The following AP1AR variants were observed in gnomAD, a reference collection of about 807,000 sequenced individuals.
The protein encoded by AP1AR is AP-1 complex-associated regulatory protein.
Under a neutral mutation model 46.3 loss-of-function variants are expected in AP1AR, and 29 were observed. That is an observed-to-expected ratio of 0.63 (90% CI 0.47 to 0.85). The LOEUF is 0.85. AP1AR is among the 40% of genes least tolerant of loss of function. The probability of loss-of-function intolerance (pLI) is 0.00; values close to 1 mark genes in which losing one functional copy is unlikely to be tolerated. For synonymous variants in AP1AR, 122 were observed against 122.9 expected (o/e 0.99, Z 0.05); for missense variants, 357 against 356.3 (o/e 1.00, Z -0.02).
chr4:112,238,324 C>A (rs1187151966), intron 1 of AP1AR, among the ~76,000 whole-genome samples: 1 of 152,160 alleles, frequency 6.6e-6, no homozygotes, highest in Non-Finnish European at 1.5e-5. Context: ...AAAGATAATT[C>A]CCTAACTTTG....
chr4:112,253,280 A>T, intron 2 of AP1AR, 24 bp downstream of exon 2: 1 of 1,592,228 alleles, frequency 6.3e-7, no homozygotes. Context: ...AATTTGATTG[A>T]ATTAAAAATG....
intron 4 of AP1AR, among the ~76,000 whole-genome samples, chr4:112,258,474 T>C (rs1292971482): frequency 1.3e-5 from 2 of 152,200 alleles, no homozygotes; most frequent in East Asian, 3.8e-4. Context: ...CTAATTTCAA[T>C]ATGAGGTAGG....
Position 112,266,603 on chromosome 4 carries a change from C to T in AP1AR, c.530C>T (p.Ala177Val). Residue 177 changes from alanine (A) to valine (V), a missense_variant, in exon 9 of 10, where the codon GCT becomes GTT. By Grantham distance (64) the Ala-to-Val change is moderately conservative (BLOSUM62 0). Coordinates refer to ENST00000274000, the MANE Select transcript of AP1AR (RefSeq NM_018569.6). ...TATATTCTAGGACTCTCATCAGATGCTACAGTTTTGACACCAAATACAGAA... is the reference window on the plus strand; with the variant it reads ...TATATTCTAGGACTCTCATCAGATGTTACAGTTTTGACACCAAATACAGAA... ...VFRSSRLSSDATVLTPNTESS... is the reference protein window; with the variant it reads ...VFRSSRLSSDVTVLTPNTESS... 2.5e-6 allele frequency: 4 copies of T among 1,610,086 alleles called. No homozygotes were observed. The highest frequency in any genetic ancestry group is 2.5e-6 in the Non-Finnish European group (3 of 1,177,472).
chr4:112,265,220 CTG>C, intron 7 of AP1AR, 153 bp downstream of exon 7: 1 of 571,904 alleles, frequency 1.7e-6, no homozygotes, highest in Non-Finnish European at 3.0e-6. Context: ...TGGAAGAAAA[CTG>C]AGAACATTTA....
At chr4:112,240,856 AGCTATGCCTG>A (rs1317354075) in intron 1 of AP1AR, among the ~76,000 whole-genome samples, 1 of 152,228 alleles carries the variant, frequency 6.6e-6, no homozygotes, top group Non-Finnish European at 1.5e-5. Flanking sequence ...TGTATTACAT[AGCTATGCCTG>A]GCTATGCCTG....
intron 8 of AP1AR, 88 bp downstream of exon 8, chr4:112,265,895 T>C (rs2110494255): frequency 1.2e-6 from 1 of 806,988 alleles, no homozygotes; most frequent in South Asian, 1.9e-5. Flanking sequence ...AGAAGAACTT[T>C]CTGTTCTTAA....
At chr4:112,267,378 G>A (rs1299842228) in intron 9 of AP1AR, among the ~76,000 whole-genome samples, 2 of 151,820 alleles carry the variant, frequency 1.3e-5, no homozygotes, top group African/African-American at 4.8e-5. Flanking sequence ...CCTTCTGCCA[G>A]TAAAATGACA....
chr4:112,265,763 G>C lies in AP1AR; in HGVS notation c.470G>C (p.Cys157Ser). 1.2e-6 allele frequency: 2 copies of C among 1,609,670 alleles called. No homozygotes were observed. Among genetic ancestry groups the C allele is most frequent in the Non-Finnish European group, 1.7e-6 (2 of 1,177,592 alleles). ...SSGPEDDFES[C>S]LRNMKSQYEV... Reference sequence around the variant, plus strand: ...GGACCAGAAGATGACTTCGAATCTTGTTTGAGAAATATGAAGTCACAGTAT... The same window carrying C: ...GGACCAGAAGATGACTTCGAATCTTCTTTGAGAAATATGAAGTCACAGTAT... The change falls in exon 8 of 10, where the codon TGT (cysteine) becomes TCT (serine). Residue 157 changes from cysteine (C) to serine (S), a missense_variant. Cys to Ser is a moderately radical substitution (Grantham distance 112). This residue lies in a region of AP1AR where 269 missense variants were observed against 223.6 expected (regional missense o/e 1.20). Coordinates refer to ENST00000274000, the MANE Select transcript of AP1AR (RefSeq NM_018569.6).
At chr4:112,261,853 C>G in intron 5 of AP1AR, among the ~76,000 whole-genome samples, 1 of 151,536 alleles carries the variant, frequency 6.6e-6, no homozygotes, top group Non-Finnish European at 1.5e-5. Context: ...ACCTATAGTC[C>G]CAGCTACTAA....
chr4:112,240,626 T>A (rs934228600), intron 1 of AP1AR, among the ~76,000 whole-genome samples: 3 of 152,164 alleles, frequency 2.0e-5, no homozygotes, highest in Non-Finnish European at 4.4e-5. Flanking sequence ...CACTCCCCCT[T>A]GCCTTTGGTA....
chr4:112,251,833 A>G (rs538346240), intron 1 of AP1AR, among the ~76,000 whole-genome samples: 24 of 152,372 alleles, frequency 1.6e-4, no homozygotes, highest in African/African-American at 4.3e-4. Context: ...CTTTTTACCA[A>G]TGATCTTAGT....
At chr4:112,265,251 A>T (rs770638141) in intron 7 of AP1AR, 184 bp downstream of exon 7, 5 of 496,162 alleles carry the variant, frequency 1.0e-5, no homozygotes, top group Non-Finnish European at 1.8e-5. Context: ...CATTATTATT[A>T]ATTTAAACTG....
Position 112,253,198 on chromosome 4 carries a change from T to G in AP1AR, c.84-10T>G. ...TGTGTTTTTTAAAGTTATTCTGTTT[T>G]CCTTCCCAGATCCAAGTATTTTAGA... On this transcript the variant is annotated splice_polypyrimidine_tract_variant and intron_variant, in intron 1 of 9. Transcript: ENST00000274000. 1 of 1,606,568 alleles carries G rather than the reference T, an allele frequency of 6.2e-7. No homozygotes were observed. The highest frequency in any genetic ancestry group is 1.7e-5 in the Admixed American group (1 of 58,942).
intron 1 of AP1AR, among the ~76,000 whole-genome samples, chr4:112,236,031 A>G (rs1034465078): frequency 4.0e-5 from 6 of 151,884 alleles, no homozygotes; most frequent in Non-Finnish European, 7.4e-5. Context: ...CTGCCCCTGA[A>G]GAAATTTTAC....
intron 1 of AP1AR, among the ~76,000 whole-genome samples, chr4:112,249,350 A>G (rs936831356): frequency 2.9e-5 from 3 of 104,010 alleles, no homozygotes; most frequent in African/African-American, 5.3e-5. Flanking sequence ...ACTCTAAGGT[A>G]CTTTTCTTTA....
intron 1 of AP1AR, among the ~76,000 whole-genome samples, chr4:112,248,848 T>C (rs748383067): frequency 6.6e-6 from 1 of 152,218 alleles, no homozygotes; most frequent in African/African-American, 2.4e-5. Context: ...ATGTGCCAAG[T>C]AGAGTTTTGC....
chr4:112,253,651 T>C (rs2110480969), intron 2 of AP1AR, among the ~76,000 whole-genome samples: 1 of 152,300 alleles, frequency 6.6e-6, no homozygotes, highest in South Asian at 2.1e-4. Context: ...TCTTTGAATG[T>C]AAAATATAAT....
Position 112,265,788 on chromosome 4 carries a change from TGAA to T in AP1AR, c.497_499del (p.Glu166del). On this transcript the variant is annotated inframe_deletion, in exon 8 of 10. Coordinates refer to ENST00000274000, the MANE Select transcript of AP1AR (RefSeq NM_018569.6). ...GTTTGAGAAATATGAAGTCACAGTA[TGAA>T]GTTTTTCGAAGTAGTAGTAAGTTTT... 1 of 1,609,498 alleles carries T rather than the reference TGAA, an allele frequency of 6.2e-7. No homozygotes were observed.
intron 1 of AP1AR, among the ~76,000 whole-genome samples, chr4:112,242,399 GT>G (rs895340962): frequency 4.6e-5 from 7 of 151,836 alleles, no homozygotes; most frequent in Non-Finnish European, 8.8e-5. Flanking sequence ...GTTTGAATCT[GT>G]CTTAGGCTGT....
Sources: allele counts gnomAD v4.1 joint callset (sites outside exome capture counted in the v4.1 genomes callset), GRCh38; gene constraint gnomAD v4.1.1; regional missense constraint gnomAD v4.1.1; transcripts MANE v1.5; gene names NCBI Gene and HGNC (gene_info 2026-07-23, HGNC 2026-07-21).